Variants in SIRT5 observed in about 807,000 individuals in gnomAD.
The protein encoded by SIRT5 is NAD-dependent protein deacylase sirtuin-5, mitochondrial.
Under a neutral mutation model 40.0 loss-of-function variants are expected in SIRT5, and 26 were observed. That is an observed-to-expected ratio of 0.65 (90% confidence interval 0.48 to 0.90). SIRT5 has a LOEUF of 0.90. Among genes scored for constraint, SIRT5 ranks in the 40% least tolerant of loss-of-function variants. SIRT5 has a pLI of 0.00. For synonymous variants in SIRT5, 146 were observed against 149.1 expected (o/e 0.98, Z 0.15); for missense variants, 401 against 402.4 (o/e 1.00, Z 0.03).
At chr6:13,592,089 C>T (rs904375788) in intron 5 of SIRT5, among the ~76,000 whole-genome samples, 195 bp downstream of exon 5, 2 of 152,170 alleles carry the variant, frequency 1.3e-5, no homozygotes, top group African/African-American at 4.8e-5. Flanking sequence ...ATGGGAGGAG[C>T]CCCTGACCCA....
intron 5 of SIRT5, among the ~76,000 whole-genome samples, chr6:13,593,425 G>T (rs1761189249): frequency 6.6e-6 from 1 of 152,132 alleles, no homozygotes; most frequent in Non-Finnish European, 1.5e-5. Flanking sequence ...CATCTGCTGG[G>T]TCTGAGCCAC....
chr6:13,598,024 A>G (rs566934445), intron 7 of SIRT5, among the ~76,000 whole-genome samples: 40 of 152,370 alleles, frequency 2.6e-4, no homozygotes, highest in Middle Eastern at 3.4e-3. Context: ...GACTTTTTAG[A>G]GCATTTAATC....
intron 3 of SIRT5, among the ~76,000 whole-genome samples, chr6:13,585,403 C>G (rs1233446930): frequency 6.6e-6 from 1 of 151,846 alleles, no homozygotes; most frequent in African/African-American, 2.4e-5. Context: ...GCCCACCACC[C>G]CCCGACAGGC....
intron 3 of SIRT5, among the ~76,000 whole-genome samples, chr6:13,586,182 A>G (rs1401539955): frequency 1.3e-5 from 2 of 152,154 alleles, no homozygotes. Flanking sequence ...ATATTCTCTC[A>G]TTCTGTAGGT....
At position 13,591,664 on chromosome 6, in the gene SIRT5, C is replaced by T. The variant is rs1195481149; in HGVS notation, c.250-5C>T. On this transcript the variant is annotated splice_region_variant and splice_polypyrimidine_tract_variant and intron_variant, in intron 4 of 9. Transcript: ENST00000606117. ...CCTCACTCCTGCCTCCTCTCCCACT[C>T]CCAGGACCTGGCGACTCCCCTGGCC... 1 of 1,546,202 alleles carries T rather than the reference C, an allele frequency of 6.5e-7. No individual in the cohort carries two copies. Among genetic ancestry groups the T allele is most frequent in the East Asian group, 2.4e-5 (1 of 42,314 alleles).
intron 1 of SIRT5, among the ~76,000 whole-genome samples, chr6:13,577,228 A>G (rs1429348697): frequency 6.6e-6 from 1 of 152,210 alleles, no homozygotes; most frequent in African/African-American, 2.4e-5. Context: ...TTGAATCTGT[A>G]GATTGCTTTG....
chr6:13,600,922 A>T lies in SIRT5; in HGVS notation c.830A>T (p.Glu277Val). The T allele has an allele frequency of 1.2e-6, 2 of 1,614,108 alleles. No individual in the cohort carries two copies. The highest frequency in any genetic ancestry group is 1.7e-6 in the Non-Finnish European group (2 of 1,180,008). Residue 277 changes from glutamate to valine, a missense_variant, in exon 9 of 10, where the codon GAG becomes GTG. By Grantham distance (121) the Glu-to-Val change is moderately radical (BLOSUM62 -2). Transcript: ENST00000606117. ...GTGCCAGTGGCTGAATTTAACACGG[A>T]GACCACCCCAGCTACGAACAGATTC... ...RGVPVAEFNT[E>V]TTPATNRFRF...
intron 7 of SIRT5, among the ~76,000 whole-genome samples, chr6:13,597,308 G>A (rs1761687889): frequency 6.6e-6 from 1 of 151,690 alleles, no homozygotes; most frequent in Non-Finnish European, 1.5e-5. Context: ...CCAGTGTACA[G>A]AAAGCATAGG....
chr6:13,614,994 C>G lies in SIRT5; in HGVS notation c.*3129C>G. The G allele has an allele frequency of 4.2e-6, 1 of 235,948 alleles. No individual in the cohort carries two copies. The highest frequency in any genetic ancestry group is 8.2e-6 in the Non-Finnish European group (1 of 121,862). The allele number at this position is 235,948 out of a possible 1,614,324, so 14.6% of individuals were successfully genotyped here. A position where few individuals can be genotyped will look rare whatever the true frequency, so the allele number is the denominator to read the frequency against. The stretch of plus-strand genomic sequence containing the variant: ...GGCCAAAAAACGGCGGCGAGCAGCG[C>G]CTCGGGCCCGCGATTACCGGTTTTC... On this transcript the variant is annotated 3_prime_UTR_variant, in exon 10 of 10. Transcript: ENST00000606117.
chr6:13,603,276 C>CA (rs36093293), intron 9 of SIRT5, among the ~76,000 whole-genome samples: 922 of 48,530 alleles, frequency 0.019, 15 homozygotes, highest in African/African-American at 0.024. Flanking sequence ...GACTCCGTCT[C>CA]AAAAAAAAAA....
At chr6:13,582,205 C>G (rs1759435995) in intron 2 of SIRT5, among the ~76,000 whole-genome samples, 1 of 152,194 alleles carries the variant, frequency 6.6e-6, no homozygotes. Flanking sequence ...CCTTGCTCAG[C>G]TCTAATCTCC....
intron 8 of SIRT5, among the ~76,000 whole-genome samples, chr6:13,600,202 T>A (rs1762187064): frequency 6.6e-6 from 1 of 152,246 alleles, no homozygotes; most frequent in Non-Finnish European, 1.5e-5. Flanking sequence ...GACACGTCTT[T>A]AAAAGCAGAG....
At chr6:13,581,265 A>G (rs1759310888) in intron 2 of SIRT5, among the ~76,000 whole-genome samples, 1 of 152,222 alleles carries the variant, frequency 6.6e-6, no homozygotes, top group Non-Finnish European at 1.5e-5. Flanking sequence ...GTCATGTCTC[A>G]TTAGGACCTG....
intron 1 of SIRT5, among the ~76,000 whole-genome samples, chr6:13,576,035 TTTTC>T (rs1162130503): frequency 6.6e-6 from 1 of 152,248 alleles, no homozygotes; most frequent in African/African-American, 2.4e-5. Context: ...ATGTGCCACA[TTTTC>T]TTTATCCGGT....
At chr6:13,594,172 C>T (rs923269086) in intron 5 of SIRT5, among the ~76,000 whole-genome samples, 12 of 152,236 alleles carry the variant, frequency 7.9e-5, no homozygotes, top group Middle Eastern at 3.4e-3. Flanking sequence ...CCGGTCAGGC[C>T]ACGGAGAATA....
At chr6:13,588,827 C>G (rs181294660) in intron 4 of SIRT5, among the ~76,000 whole-genome samples, 1 of 152,246 alleles carries the variant, frequency 6.6e-6, no homozygotes, top group African/African-American at 2.4e-5. Context: ...CATGTTAAAA[C>G]TAATGTCAGT....
Position 13,591,776 on chromosome 6 carries a change from C to T in SIRT5, c.357C>T (p.Arg119=), listed in dbSNP as rs199860001. ...GCAAGGAGCCCAACGCCGGGCACCGCGCCATAGCCGAGTGTGAGACCCGGC... is the reference window on the plus strand; with the variant it reads ...GCAAGGAGCCCAACGCCGGGCACCGTGCCATAGCCGAGTGTGAGACCCGGC... ...MGSKEPNAGH[R]AIAECETRLG... The change falls in exon 5 of 10, where the codon CGC becomes CGT. Residue 119 remains arginine (R), a synonymous_variant. Transcript: ENST00000606117. 28 of 1,613,944 alleles carry T rather than the reference C, an allele frequency of 1.7e-5. No individual in the cohort carries two copies. Among genetic ancestry groups the T allele is most frequent in the South Asian group, 3.3e-5 (3 of 91,082 alleles).
At chr6:13,598,825 C>CAAA (rs368964409) in intron 7 of SIRT5, among the ~76,000 whole-genome samples, 12 of 47,004 alleles carry the variant, frequency 2.6e-4, no homozygotes, top group South Asian at 6.6e-4. Flanking sequence ...GACTCCGTCT[C>CAAA]AAAAAAAAAA....
chr6:13,587,123 C>G (rs75603749), intron 3 of SIRT5, among the ~76,000 whole-genome samples: 1 of 147,592 alleles, frequency 6.8e-6, no homozygotes, highest in African/African-American at 2.7e-5. Flanking sequence ...TGCTTTAACA[C>G]AGGGTGGCCA....
Sources: allele counts gnomAD v4.1 joint callset (sites outside exome capture counted in the v4.1 genomes callset), GRCh38; gene constraint gnomAD v4.1.1; transcripts MANE v1.5; gene names NCBI Gene and HGNC (gene_info 2026-07-23, HGNC 2026-07-21).